The following PLEKHA5 variants were observed in gnomAD, a reference collection of about 807,000 sequenced individuals.
PLEKHA5 encodes the protein pleckstrin homology domain-containing family A member 5.
In PLEKHA5, 55 loss-of-function variants were observed where a neutral mutation model predicts 181.9. The observed-to-expected ratio is 0.30, with a 90% CI of 0.24 to 0.38. The LOEUF (loss-of-function observed/expected upper bound fraction) is 0.38, where lower values mean the gene tolerates loss of function less well. Ranked by LOEUF, PLEKHA5 falls within the 10% of genes least tolerant of loss-of-function variation. The pLI is 1.00. For synonymous variants in PLEKHA5, 535 were observed against 529.4 expected (o/e 1.01, Z -0.15); for missense variants, 1,432 against 1,549.5 (o/e 0.92, Z 1.27).
At chr12:19,289,662 T>C (rs7315767) in intron 13 of PLEKHA5, among the ~76,000 whole-genome samples, 138,763 of 152,194 alleles carry the variant, frequency 0.91, 64,177 homozygotes, top group Non-Finnish European at 1. Context: ...TTTCATCCAC[T>C]GTTGAAAATT....
At position 19,345,027 on chromosome 12, in the gene PLEKHA5, C is replaced by G. The variant is rs141197939; in HGVS notation, c.2663-815C>G. Among the ~76,000 whole-genome samples the G allele has an allele frequency of 8.6e-5, 13 of 151,754 alleles. No homozygotes were observed. In the East Asian group the frequency reaches 2.5e-3, roughly 29 times the overall value. On this transcript the variant is annotated intron_variant, in intron 22 of 31. Transcript: ENST00000429027. ...GTCCCAGCTACTTGGAAGTCTGAGG[C>G]AAGAGAATCTCTTGAACCCGGGAGG...
chr12:19,265,574 A>G (rs572726723), intron 7 of PLEKHA5, among the ~76,000 whole-genome samples, 176 bp from the exon 8 acceptor site: 4 of 152,318 alleles, frequency 2.6e-5, no homozygotes, highest in Admixed American at 2.6e-4. Context: ...TATATACCAA[A>G]GTATAAATTC....
rs1194512782 is a variant in PLEKHA5, at chr12:19,347,057, C to A, written c.2773C>A (p.Pro925Thr). The A allele has an allele frequency of 1.3e-6, 2 of 1,551,462 alleles. No individual in the cohort carries two copies. The highest frequency in any genetic ancestry group is 2.7e-5 in the African/African-American group (2 of 73,028). Residue 925 changes from proline (P) to threonine (T), a missense_variant, in exon 24 of 32, where the codon CCC becomes ACC. By Grantham distance (38) the Pro-to-Thr change is conservative. This residue lies in a region of PLEKHA5 where 1,143 missense variants were observed against 1,168.4 expected (regional missense o/e 0.98). Transcript: ENST00000429027. Reference protein sequence around the residue: ...PRSYDFTEQPPIIPPLPSDSS... With the variant: ...PRSYDFTEQPTIIPPLPSDSS... ...GTCCTATGACTTTACAGAGCAGCCT[C>A]CCATAATCCCCCCTCTGCCCAGTGA... is the stretch of plus-strand genomic sequence containing the variant.
chr12:19,202,340 A>G (rs369508257), intron 3 of PLEKHA5, among the ~76,000 whole-genome samples: 4 of 152,080 alleles, frequency 2.6e-5, no homozygotes, highest in South Asian at 2.1e-4. Flanking sequence ...AATCATATAT[A>G]TGAGACATTC....
chr12:19,202,595 G>T (rs1172452193), intron 3 of PLEKHA5, among the ~76,000 whole-genome samples: 1 of 41,198 alleles, frequency 2.4e-5, no homozygotes, highest in East Asian at 2.7e-4. Context: ...AACAACAACA[G>T]ATTGCAGTGT....
chr12:19,209,022 A>G (rs1025906754), intron 3 of PLEKHA5, among the ~76,000 whole-genome samples: 24 of 152,224 alleles, frequency 1.6e-4, no homozygotes, highest in African/African-American at 5.1e-4. Flanking sequence ...GGATATTGTG[A>G]TAAAACTATG....
intron 3 of PLEKHA5, among the ~76,000 whole-genome samples, chr12:19,216,813 T>C (rs1023248748): frequency 6.6e-6 from 1 of 152,192 alleles, no homozygotes; most frequent in African/African-American, 2.4e-5. Flanking sequence ...CTTGTAAATG[T>C]GATTACTATC....
intron 3 of PLEKHA5, chr12:19,151,131 T>TG (rs535642962): frequency 7.0e-4 from 106 of 152,318 alleles, no homozygotes; most frequent in African/African-American, 2.5e-3. Context: ...CTTGGGGGAA[T>TG]GGGGAATAAA....
chr12:19,174,189 C>T (rs1007138865), intron 3 of PLEKHA5, among the ~76,000 whole-genome samples: 1 of 151,968 alleles, frequency 6.6e-6, no homozygotes, highest in Non-Finnish European at 1.5e-5. Flanking sequence ...AATGTAAATG[C>T]CTGTAAGGGG....
chr12:19,265,675 G>T, intron 7 of PLEKHA5, 75 bp from the exon 8 acceptor site: 2 of 812,436 alleles, frequency 2.5e-6, no homozygotes, highest in Non-Finnish European at 4.1e-6. Flanking sequence ...TTTTGATTTG[G>T]CAAAAATAGA....
chr12:19,152,760 A>T lies in PLEKHA5; in HGVS notation c.227+20310A>T, dbSNP rs944014624. ...ATGATACTCAGCTTAAAATAAGAAC[A>T]TTTTTTTTATGTCAAAGAGCTTCTC... On this transcript the variant is annotated intron_variant, in intron 3 of 31. Coordinates refer to ENST00000429027, the MANE Select transcript of PLEKHA5 (RefSeq NM_001256470.2). 1.2e-4 allele frequency: 18 copies of T among 149,010 alleles called. No homozygotes were observed. In the East Asian group the frequency reaches 2.9e-3, roughly 24 times the overall value. The allele number at this position is 149,010 out of a possible 1,614,324, so 9.2% of individuals were successfully genotyped here.
intron 9 of PLEKHA5, 117 bp from the exon 10 acceptor site, chr12:19,270,071 C>A: frequency 1.5e-6 from 1 of 652,534 alleles, no homozygotes; most frequent in South Asian, 2.3e-5. Context: ...TTTGCGATAC[C>A]ACCTACATTT....
intron 3 of PLEKHA5, among the ~76,000 whole-genome samples, chr12:19,223,254 C>T (rs887284503): frequency 1.3e-5 from 2 of 152,092 alleles, no homozygotes; most frequent in East Asian, 3.9e-4. Context: ...TCATAATTGC[C>T]ACCTGGTGGA....
At chr12:19,361,491 TC>T in intron 28 of PLEKHA5, 90 bp from the exon 29 acceptor site, 1 of 727,372 alleles carries the variant, frequency 1.4e-6, no homozygotes, top group Non-Finnish European at 2.3e-6. Context: ...CCGTGATTGT[TC>T]AATAAACTTT....
chr12:19,273,683 T>C (rs2073730317), intron 10 of PLEKHA5, among the ~76,000 whole-genome samples: 1 of 152,198 alleles, frequency 6.6e-6, no homozygotes, highest in South Asian at 2.1e-4. Context: ...AGTGAGCAAG[T>C]ACAACTGTCG....
chr12:19,346,822 T>C (rs2094356372), intron 23 of PLEKHA5, among the ~76,000 whole-genome samples, 172 bp from the exon 24 acceptor site: 2 of 152,194 alleles, frequency 1.3e-5, no homozygotes, highest in Admixed American at 6.6e-5. Context: ...ATTCCAATTA[T>C]TGGCTATGAT....
intron 29 of PLEKHA5, among the ~76,000 whole-genome samples, chr12:19,363,317 A>G (rs1196990126): frequency 8.0e-5 from 12 of 150,482 alleles, no homozygotes; most frequent in Non-Finnish European, 1.3e-4. Context: ...ACGCATGGCT[A>G]ATTTTTATTT....
intron 3 of PLEKHA5, among the ~76,000 whole-genome samples, chr12:19,212,907 A>G (rs369920277): frequency 5.3e-5 from 8 of 149,774 alleles, no homozygotes; most frequent in East Asian, 2.0e-4. Flanking sequence ...GCCCAGATCT[A>G]TGTAACTCCA....
At chr12:19,259,714 A>G (rs2067862988) in intron 6 of PLEKHA5, among the ~76,000 whole-genome samples, 1 of 151,608 alleles carries the variant, frequency 6.6e-6, no homozygotes, top group African/African-American at 2.4e-5. Context: ...TTGTAGCACT[A>G]CACACCATCC....
Sources: gnomAD v4.1 joint callset for allele counts (sites outside exome capture counted in the v4.1 genomes callset) on GRCh38, gnomAD v4.1.1 for gene constraint, gnomAD v4.1.1 regional missense constraint, MANE v1.5 for transcripts, NCBI Gene and HGNC (gene_info 2026-07-23, HGNC 2026-07-21) for gene names.